The following NALF1 variants were observed in gnomAD, a reference collection of about 807,000 sequenced individuals.
The protein encoded by NALF1 is family with sequence similarity 155 member A.
A neutral mutation model predicts 48.4 loss-of-function variants in NALF1; 3 were observed. That is an observed-to-expected ratio of 0.06 (90% confidence interval 0.03 to 0.16). The LOEUF (loss-of-function observed/expected upper bound fraction) is 0.16. Among genes scored for constraint, NALF1 ranks in the 10% least tolerant of loss-of-function variants. The pLI is 1.00. For synonymous variants in NALF1, 262 were observed against 245.7 expected (o/e 1.07, Z -0.62); for missense variants, 526 against 571.5 (o/e 0.92, Z 0.81).
chr13:107,224,417 G>GTATATAATATAAATATAATACAAATTA (rs1268086912), intron 1 of NALF1, among the ~76,000 whole-genome samples: 2 of 148,718 alleles, frequency 1.3e-5, no homozygotes, highest in Non-Finnish European at 3.0e-5. Context: ...TTTGAATTAT[G>GTATATAATATAAATATAATACAAATTA]TATATAATAT....
At chr13:107,549,121 A>G (rs1242388891) in intron 1 of NALF1, among the ~76,000 whole-genome samples, 1 of 152,182 alleles carries the variant, frequency 6.6e-6, no homozygotes, top group Non-Finnish European at 1.5e-5. Context: ...TCTTTTGCCA[A>G]TAACAGTGAT....
intron 1 of NALF1, among the ~76,000 whole-genome samples, chr13:107,524,852 T>C (rs956331295): frequency 1.3e-5 from 2 of 152,076 alleles, no homozygotes; most frequent in African/African-American, 2.4e-5. Context: ...ATTCTCAGTT[T>C]CAGATGATTT....
chr13:107,400,425 A>G (rs1883784601), intron 1 of NALF1, among the ~76,000 whole-genome samples: 1 of 152,092 alleles, frequency 6.6e-6, no homozygotes, highest in Non-Finnish European at 1.5e-5. Context: ...CATCAGAAGC[A>G]TGTTGTAAGG....
At chr13:107,513,009 A>G (rs1484508623) in intron 1 of NALF1, among the ~76,000 whole-genome samples, 1 of 152,174 alleles carries the variant, frequency 6.6e-6, no homozygotes, top group Admixed American at 6.5e-5. Context: ...ACCTATTACA[A>G]TAGACATCAA....
At chr13:107,398,994 C>T (rs1039752735) in intron 1 of NALF1, among the ~76,000 whole-genome samples, 12 of 152,254 alleles carry the variant, frequency 7.9e-5, no homozygotes, top group South Asian at 2.1e-4. Context: ...GTTCATTCTC[C>T]GGCCTGATGA....
intron 1 of NALF1, among the ~76,000 whole-genome samples, chr13:107,594,704 T>C (rs1878693862): frequency 6.6e-6 from 1 of 152,114 alleles, no homozygotes; most frequent in African/African-American, 2.4e-5. Context: ...ACAATAGTAT[T>C]TGAGTGACCC....
At chr13:107,861,355 T>A (rs1464810) in intron 1 of NALF1, among the ~76,000 whole-genome samples, 1 of 152,044 alleles carries the variant, frequency 6.6e-6, no homozygotes, top group Non-Finnish European at 1.5e-5. Flanking sequence ...AATATTAAAA[T>A]GTTCTATTTA....
intron 1 of NALF1, among the ~76,000 whole-genome samples, chr13:107,530,573 T>C (rs535048976): frequency 6.6e-6 from 1 of 152,250 alleles, no homozygotes; most frequent in East Asian, 1.9e-4. Flanking sequence ...ATTCATAACA[T>C]GTGGATGTAT....
chr13:107,406,023 C>T (rs1479617020), intron 1 of NALF1, among the ~76,000 whole-genome samples: 1 of 151,974 alleles, frequency 6.6e-6, no homozygotes, highest in Non-Finnish European at 1.5e-5. Flanking sequence ...TTCCGTGGTG[C>T]CTATCTCTCA....
At position 107,773,213 on chromosome 13, in the gene NALF1, T is replaced by A. The variant is rs575588577; in HGVS notation, c.915+92469A>T. 7.2e-5 allele frequency among the ~76,000 whole-genome samples: 11 copies of A among 152,356 alleles called. No individual in the cohort carries two copies. In the East Asian group the frequency reaches 1.9e-3, roughly 27 times the overall value. On this transcript the variant is annotated intron_variant, in intron 1 of 2. Transcript: ENST00000375915. ...CAGAGTCTGACATATTTTACCTTGA[T>A]CATACTCCAGTTTGATAGATTACTT...
intron 1 of NALF1, among the ~76,000 whole-genome samples, chr13:107,846,879 T>C (rs1880186529): frequency 6.6e-6 from 1 of 152,204 alleles, no homozygotes; most frequent in Non-Finnish European, 1.5e-5. Context: ...ATTACTGCAA[T>C]GGCCTAAGTA....
intron 2 of NALF1, among the ~76,000 whole-genome samples, chr13:107,174,820 G>A (rs1271533106): frequency 6.6e-6 from 1 of 151,862 alleles, no homozygotes; most frequent in Non-Finnish European, 1.5e-5. Flanking sequence ...GAATCCTGGT[G>A]GTCAGAGTGG....
chr13:107,726,342 T>G (rs1876149697), intron 1 of NALF1, among the ~76,000 whole-genome samples: 1 of 152,190 alleles, frequency 6.6e-6, no homozygotes, highest in African/African-American at 2.4e-5. Context: ...CTTCTCATTT[T>G]TCTTCTTAAT....
chr13:107,400,144 G>A (rs1269572825), intron 1 of NALF1, among the ~76,000 whole-genome samples: 1 of 151,970 alleles, frequency 6.6e-6, no homozygotes, highest in Non-Finnish European at 1.5e-5. Flanking sequence ...GGATTCACCA[G>A]TCATCTGATT....
At chr13:107,839,244 C>T (rs1509091) in intron 1 of NALF1, among the ~76,000 whole-genome samples, 130,331 of 150,952 alleles carry the variant, frequency 0.86, 56,889 homozygotes, top group Admixed American at 0.92. Context: ...TCCAGTCACA[C>T]CATGTAAAAT....
chr13:107,467,641 A>G (rs1418991574), intron 1 of NALF1, among the ~76,000 whole-genome samples: 1 of 152,242 alleles, frequency 6.6e-6, no homozygotes, highest in Non-Finnish European at 1.5e-5. Context: ...TTTTATTAAT[A>G]TTGCATTTAG....
At chr13:107,353,710 A>C (rs1045268217) in intron 1 of NALF1, among the ~76,000 whole-genome samples, 2 of 152,202 alleles carry the variant, frequency 1.3e-5, no homozygotes, top group African/African-American at 2.4e-5. Flanking sequence ...GTGTTGTTTT[A>C]AGTCACAAAC....
chr13:107,519,338 T>C (rs890358208), intron 1 of NALF1, among the ~76,000 whole-genome samples: 2 of 149,750 alleles, frequency 1.3e-5, no homozygotes, highest in African/African-American at 4.9e-5. Flanking sequence ...TCTTACGTTA[T>C]ACTGTATCAG....
At chr13:107,442,543 G>A (rs1884578125) in intron 1 of NALF1, among the ~76,000 whole-genome samples, 5 of 152,136 alleles carry the variant, frequency 3.3e-5, no homozygotes, top group Admixed American at 3.3e-4. Flanking sequence ...TGATGCCTGA[G>A]ACGAGTGGAA....
Sources: allele counts gnomAD v4.1 joint callset (sites outside exome capture counted in the v4.1 genomes callset), GRCh38; gene constraint gnomAD v4.1.1; transcripts MANE v1.5; gene names NCBI Gene and HGNC (gene_info 2026-07-23, HGNC 2026-07-21).